EIF3B: variants seen among roughly 807,000 people sequenced by gnomAD.
The protein encoded by EIF3B is eukaryotic translation initiation factor 3 subunit 9.
EIF3B carries 10 observed loss-of-function variants against 104.6 expected under a neutral mutation model. The observed-to-expected ratio is 0.10, with a 90% confidence interval of 0.06 to 0.16. The LOEUF is 0.16. Ranked by LOEUF, EIF3B falls within the 10% of genes least tolerant of loss-of-function variation. EIF3B has a pLI of 1.00. For synonymous variants in EIF3B, 542 were observed against 417.2 expected (o/e 1.30, Z -3.65); for missense variants, 1,014 against 1,087.9 (o/e 0.93, Z 0.96).
chr7:2,369,735 G>A, intron 10 of EIF3B, 53 bp downstream of exon 10: 2 of 1,431,284 alleles, frequency 1.4e-6, no homozygotes, highest in Non-Finnish European at 2.0e-6. Context: ...CTCTGAAGTG[G>A]CCACCGTATT....
In EIF3B at chr7:2,362,675, C is replaced by A. The variant is rs1166179706; in HGVS notation, c.723C>A (p.Ala241=). 22 of 1,614,226 alleles carry A rather than the reference C, an allele frequency of 1.4e-5. No homozygotes were observed. Among genetic ancestry groups the A allele is most frequent in the Non-Finnish European group, 1.9e-5 (22 of 1,180,040 alleles). Residue 241 remains alanine, a synonymous_variant, in exon 3 of 19, where the codon GCC becomes GCA. Coordinates refer to ENST00000360876, the MANE Select transcript of EIF3B (RefSeq NM_001037283.2). The part of the protein sequence containing the change: ...GYIFLEYASP[A]HAVDAVKNAD... ...TTTTCCTGGAGTACGCGTCCCCTGC[C>A]CACGCTGTGGATGCTGTGAAGAACG...
chr7:2,376,787 T>G, intron 14 of EIF3B, 163 bp from the exon 15 acceptor site: 1 of 1,015,532 alleles, frequency 9.8e-7, no homozygotes, highest in Non-Finnish European at 1.4e-6. Context: ...TGGAGGTGTC[T>G]TGCATTGACT....
rs751544118 is a variant in EIF3B, at chr7:2,354,895, G to T, written c.-27G>T. 24 of 1,174,428 alleles carry T rather than the reference G, an allele frequency of 2.0e-5. No homozygotes were observed. The highest frequency in any genetic ancestry group is 4.3e-5 in the East Asian group (1 of 23,456). The allele number at this position is 1,174,428 out of a possible 1,614,324, so 72.8% of individuals were successfully genotyped here. A position where few individuals can be genotyped will look rare whatever the true frequency, so the allele number is the denominator to read the frequency against. On this transcript the variant is annotated 5_prime_UTR_variant, in exon 1 of 19. Transcript: ENST00000360876. Reference sequence around the variant, plus strand: ...GAGTCGGAAGCGCGGCGGCCGCGGAGCCCTGCGAGTAGGCAGCGTTGGGCC... The same window carrying T: ...GAGTCGGAAGCGCGGCGGCCGCGGATCCCTGCGAGTAGGCAGCGTTGGGCC...
upstream of EIF3B, chr7:2,354,782 G>C: frequency 2.4e-6 from 2 of 825,832 alleles, no homozygotes; most frequent in Non-Finnish European, 2.9e-6. Flanking sequence ...GCGTGGGTGC[G>C]CCCCCCGCCC....
intron 3 of EIF3B, 83 bp from the exon 4 acceptor site, chr7:2,362,987 C>T: frequency 1.3e-6 from 2 of 1,542,204 alleles, no homozygotes; most frequent in Non-Finnish European, 1.8e-6. Flanking sequence ...GGCAGGAGCA[C>T]AGCAGGGCCA....
chr7:2,376,830 C>T (rs1780656807), intron 14 of EIF3B, 120 bp from the exon 15 acceptor site: 2 of 1,430,900 alleles, frequency 1.4e-6, no homozygotes, highest in Admixed American at 2.2e-5. Context: ...TCAGCACAGG[C>T]AGAGCTTTGT....
chr7:2,375,351 G>A (rs1399629098), intron 13 of EIF3B, 38 bp from the exon 14 acceptor site: 14 of 1,610,212 alleles, frequency 8.7e-6, no homozygotes, highest in South Asian at 2.2e-5. Flanking sequence ...GGAGGTATGC[G>A]TCTCCATGAA....
Position 2,379,446 on chromosome 7 carries a change from C to T in EIF3B, c.2394C>T (p.Thr798=), listed in dbSNP as rs762354024. 14 of 1,592,812 alleles carry T rather than the reference C, an allele frequency of 8.8e-6. No homozygotes were observed. The South Asian group carries it at 1.4e-4, about 16-fold the overall frequency. Residue 798 remains threonine, a synonymous_variant, in exon 18 of 19, where the codon ACC becomes ACT. Transcript: ENST00000360876. The part of the protein sequence containing the change: ...DSNVDDWEEE[T]IEFFVTEEII... ...ACGTGGACGACTGGGAAGAGGAGAC[C>T]ATTGAGTTCTTCGTCACTGAAGAAA...
rs568912676 is a variant in EIF3B at position 2,370,670 on chromosome 7, C to T, written c.1614+988C>T. On this transcript the variant is annotated intron_variant, in intron 10 of 18. Transcript: ENST00000360876. Reference sequence around the variant, plus strand: ...ACCACTCATTTCAGAACGTTTTCATCGGCTGGGTGCGGTGGCTCCCCCGGG... The same window carrying T: ...ACCACTCATTTCAGAACGTTTTCATTGGCTGGGTGCGGTGGCTCCCCCGGG... 3.6e-4 allele frequency among the ~76,000 whole-genome samples: 55 copies of T among 152,174 alleles called. 1 individual carries two copies. Among genetic ancestry groups the T allele is most frequent in the Non-Finnish European group, 4.6e-4 (31 of 68,008 alleles).
At chr7:2,360,622 C>A in intron 1 of EIF3B, 88 bp from the exon 2 acceptor site, 1 of 1,091,542 alleles carries the variant, frequency 9.2e-7, no homozygotes, top group East Asian at 2.5e-5. Flanking sequence ...TTCATTGTCT[C>A]TTCTTGAAGA....
Position 2,369,557 on chromosome 7 carries a change from C to G in EIF3B, c.1489C>G (p.Gln497Glu), listed in dbSNP as rs1583169323. The G allele has an allele frequency of 6.2e-7, 1 of 1,614,144 alleles. No homozygotes were observed. Among genetic ancestry groups the G allele is most frequent in the Non-Finnish European group, 8.5e-7 (1 of 1,180,026 alleles). Residue 497 changes from glutamine (Q) to glutamate (E), a missense_variant, in exon 10 of 19, where the codon CAG becomes GAG. Transcript: ENST00000360876. ...KDIPARVTLMQLPTRQEIRVR... is the reference protein window; with the variant it reads ...KDIPARVTLMELPTRQEIRVR... ...TATTCCAGCCAGGGTAACCCTGATG[C>G]AGCTCCCTACCAGGCAAGAGATCCG...
At chr7:2,361,505 C>T (rs1385742534) in intron 2 of EIF3B, among the ~76,000 whole-genome samples, 2 of 152,114 alleles carry the variant, frequency 1.3e-5, no homozygotes, top group East Asian at 1.9e-4. Context: ...CTGAAAGCTC[C>T]GCCTCCCAGG....
chr7:2,355,569 G>A (rs1779370407), intron 1 of EIF3B, 149 bp downstream of exon 1: 3 of 1,135,664 alleles, frequency 2.6e-6, no homozygotes, highest in Admixed American at 3.3e-5. Flanking sequence ...CGAGGGAGGG[G>A]TTCCCGAGTG....
chr7:2,377,359 C>T (rs920450577), intron 15 of EIF3B, among the ~76,000 whole-genome samples: 9 of 152,194 alleles, frequency 5.9e-5, no homozygotes, highest in Non-Finnish European at 1.2e-4. Flanking sequence ...GGATTAGAAG[C>T]GGCTTGTCTG....
At position 2,354,890 on chromosome 7, in the gene EIF3B, G is replaced by C. The variant is rs1230851068; in HGVS notation, c.-32G>C. The C allele has an allele frequency of 8.6e-7, 1 of 1,163,354 alleles. No homozygotes were observed. Among genetic ancestry groups the C allele is most frequent in the African/African-American group, 1.6e-5 (1 of 61,072 alleles). The allele number at this position is 1,163,354 out of a possible 1,614,324, so 72.1% of individuals were successfully genotyped here. ...TGGGAGAGTCGGAAGCGCGGCGGCC[G>C]CGGAGCCCTGCGAGTAGGCAGCGTT... On this transcript the variant is annotated 5_prime_UTR_variant, in exon 1 of 19. Coordinates refer to ENST00000360876, the MANE Select transcript of EIF3B (RefSeq NM_001037283.2).
At chr7:2,378,450 A>C in intron 15 of EIF3B, 4 of 132,992 alleles carry the variant, frequency 3.0e-5, no homozygotes, top group African/African-American at 4.7e-5. Flanking sequence ...GCTCCTGGGA[A>C]GCTGTGTTGT....
chr7:2,360,603 T>C, intron 1 of EIF3B, 107 bp from the exon 2 acceptor site: 2 of 913,598 alleles, frequency 2.2e-6, no homozygotes, highest in Non-Finnish European at 3.2e-6. Flanking sequence ...AGTGAAAGCA[T>C]TTAGACAATT....
chr7:2,355,445 G>C (rs1234964401), intron 1 of EIF3B, 25 bp downstream of exon 1: 1 of 1,422,408 alleles, frequency 7.0e-7, no homozygotes, highest in South Asian at 1.4e-5. Flanking sequence ...GGCGGGGCTG[G>C]CGAGCGGCGC....
intron 4 of EIF3B, 116 bp from the exon 5 acceptor site, chr7:2,363,516 T>A (rs1779853414): frequency 3.3e-6 from 3 of 900,624 alleles, no homozygotes; most frequent in Non-Finnish European, 5.0e-6. Context: ...GAGGTTAGGG[T>A]GTGACTTGGG....
Sources: gnomAD v4.1 joint callset for allele counts (sites outside exome capture counted in the v4.1 genomes callset) on GRCh38, gnomAD v4.1.1 for gene constraint, MANE v1.5 for transcripts, NCBI Gene and HGNC (gene_info 2026-07-23, HGNC 2026-07-21) for gene names.